Variants in DPF3 observed in about 807,000 individuals in gnomAD.
The protein encoded by DPF3 is zinc finger protein DPF3.
DPF3 carries 18 observed loss-of-function variants against 56.8 expected under a neutral mutation model. The ratio of observed to expected loss-of-function variants is 0.32; its 90% CI spans 0.22 to 0.47. DPF3 has a LOEUF of 0.47. Ranked by LOEUF, DPF3 falls within the 20% of genes least tolerant of loss-of-function variation. DPF3 has a pLI of 1.00. For synonymous variants in DPF3, 188 were observed against 180.2 expected, an observed-to-expected ratio of 1.04 and a Z score of -0.35; for missense variants, 403 against 488.8, an observed-to-expected ratio of 0.82 and a Z score of 1.65.
At chr14:72,769,447 C>T (rs150050323) in intron 2 of DPF3, among the ~76,000 whole-genome samples, 8 of 152,166 alleles carry the variant, frequency 5.3e-5, no homozygotes, top group African/African-American at 1.4e-4. Flanking sequence ...TTTGGGAGGC[C>T]GAGGCAGGCG....
At chr14:72,815,753 G>A (rs746360327) in intron 1 of DPF3, among the ~76,000 whole-genome samples, 30 of 152,202 alleles carry the variant, frequency 2.0e-4, no homozygotes, top group Admixed American at 1.3e-3. Flanking sequence ...CTGTCTTACA[G>A]TTCTGGAGGT....
intron 1 of DPF3, among the ~76,000 whole-genome samples, chr14:72,788,226 G>C (rs1250893625): frequency 6.6e-6 from 1 of 152,154 alleles, no homozygotes. Flanking sequence ...GCTGCATCTC[G>C]ACCACCAATC....
At chr14:72,818,413 C>T (rs896764010) in intron 1 of DPF3, among the ~76,000 whole-genome samples, 1 of 152,148 alleles carries the variant, frequency 6.6e-6, no homozygotes, top group African/African-American at 2.4e-5. Flanking sequence ...GGTGTGGTGG[C>T]TCATACCTGT....
chr14:72,655,960 A>C (rs900965271), intron 8 of DPF3, among the ~76,000 whole-genome samples: 2 of 152,310 alleles, frequency 1.3e-5, no homozygotes, highest in Admixed American at 1.3e-4. Flanking sequence ...CAGCCTCGAC[A>C]GTCTAAAATG....
chr14:72,690,547 C>T (rs1327462566), intron 7 of DPF3, among the ~76,000 whole-genome samples: 3 of 151,022 alleles, frequency 2.0e-5, no homozygotes, highest in African/African-American at 4.9e-5. Context: ...AAACAACACG[C>T]ACACACATGC....
At chr14:72,853,049 A>G (rs4899447) in intron 1 of DPF3, among the ~76,000 whole-genome samples, 85,754 of 148,464 alleles carry the variant, frequency 0.58, 25,702 homozygotes, top group East Asian at 0.89. Context: ...GTGTGTGTGT[A>G]TGTGTGTGTG....
rs752878041 is a variant in DPF3, at chr14:72,731,930, C to T, written c.306G>A (p.Val102=). The T allele has an allele frequency of 6.3e-7, 1 of 1,581,454 alleles. No individual in the cohort carries two copies. The highest frequency in any genetic ancestry group is 1.7e-4 in the Middle Eastern group (1 of 6,020). The change falls in exon 4 of 11, where the codon GTG becomes GTA. Residue 102 remains valine, a synonymous_variant. Coordinates refer to ENST00000556509, the MANE Select transcript of DPF3 (RefSeq NM_001280542.3). The stretch of plus-strand genomic sequence containing the variant: ...ACCCATCCTTCTTCAGGGGAAGCTC[C>T]ACTTCTGAAAAACAAAGATAGAAAG... ...KLRLLEIKPE[V]ELPLKKDGFT... is the part of the protein sequence containing the mutation.
Position 72,775,476 on chromosome 14 carries a change from G to A in DPF3, c.33-3583C>T, listed in dbSNP as rs574142372. 8.4e-4 allele frequency among the ~76,000 whole-genome samples: 128 copies of A among 152,310 alleles called. 3 individuals carry two copies. In the South Asian group the frequency reaches 0.021, roughly 25 times the overall value. ...ACTGGTGCTCCACACCAACTGGATC[G>A]AGAATGTCAAACAAAGTGGCACACT... On this transcript the variant is annotated intron_variant, in intron 1 of 10. Transcript: ENST00000556509.
At chr14:72,742,090 C>T (rs1363253036) in intron 3 of DPF3, among the ~76,000 whole-genome samples, 4 of 152,222 alleles carry the variant, frequency 2.6e-5, no homozygotes, top group African/African-American at 9.6e-5. Context: ...AGGTCCCTTC[C>T]AGCACGTAAT....
At chr14:72,725,961 T>C (rs910278659) in intron 4 of DPF3, among the ~76,000 whole-genome samples, 4 of 152,218 alleles carry the variant, frequency 2.6e-5, no homozygotes, top group Non-Finnish European at 5.9e-5. Context: ...AAAGGGTCTC[T>C]GAGCCAGCCT....
At chr14:72,635,372 G>A (rs1294984411) in intron 8 of DPF3, among the ~76,000 whole-genome samples, 3 of 152,208 alleles carry the variant, frequency 2.0e-5, no homozygotes, top group Non-Finnish European at 4.4e-5. Flanking sequence ...CCTTGGCACT[G>A]GAAGGACACA....
chr14:72,647,841 G>C (rs1567188605), intron 8 of DPF3, among the ~76,000 whole-genome samples: 1 of 152,170 alleles, frequency 6.6e-6, no homozygotes, highest in African/African-American at 2.4e-5. Context: ...TAGCAAGATT[G>C]GTCCTAATTT....
chr14:72,863,118 A>ATGTG (rs59855191), intron 1 of DPF3, among the ~76,000 whole-genome samples: 14 of 116,240 alleles, frequency 1.2e-4, no homozygotes, highest in South Asian at 3.1e-4. Context: ...GTATACATAT[A>ATGTG]TGTGTGTGTG....
intron 1 of DPF3, among the ~76,000 whole-genome samples, chr14:72,824,551 C>CTTTTTTTTTTTTTTTTTTTT (rs375498304): frequency 4.9e-5 from 7 of 143,254 alleles, no homozygotes; most frequent in African/African-American, 7.7e-5. Context: ...TTTTCTTTTT[C>CTTTTTTTTTTTTTTTTTTTT]TTTTTTTTTT....
intron 3 of DPF3, 23 bp from the exon 4 acceptor site, chr14:72,731,957 C>G: frequency 1.3e-6 from 2 of 1,561,492 alleles, no homozygotes; most frequent in Non-Finnish European, 1.7e-6. Flanking sequence ...GATAGAAAGG[C>G]AGGTCAGGCC....
intron 5 of DPF3, among the ~76,000 whole-genome samples, chr14:72,721,347 G>A (rs1204761496): frequency 6.6e-6 from 1 of 152,186 alleles, no homozygotes; most frequent in Non-Finnish European, 1.5e-5. Context: ...GTGTGAAGAG[G>A]ACCATTTCCC....
chr14:72,815,329 C>T (rs1408204698), intron 1 of DPF3, among the ~76,000 whole-genome samples: 1 of 152,200 alleles, frequency 6.6e-6, no homozygotes, highest in Non-Finnish European at 1.5e-5. Context: ...AAAAGGCTGA[C>T]AATGCCAAGC....
In DPF3 at chr14:72,714,492, A is replaced by G; in HGVS notation, c.535T>C (p.Ser179Pro). ...TCGTGCCTCCTCCTGCCCCCTGCAG[A>G]GCCGCGAGCCTGGGGAGACATTGGG... ...KNRTRGRARGSAGGRRRHDAA... is the reference protein window; with the variant it reads ...KNRTRGRARGPAGGRRRHDAA... Residue 179 changes from serine to proline, a missense_variant, in exon 6 of 11, where the codon TCT becomes CCT. Coordinates refer to ENST00000556509, the MANE Select transcript of DPF3 (RefSeq NM_001280542.3). 1 of 1,613,726 alleles carries G rather than the reference A, an allele frequency of 6.2e-7. No individual in the cohort carries two copies. The highest frequency in any genetic ancestry group is 8.5e-7 in the Non-Finnish European group (1 of 1,179,746).
chr14:72,827,233 C>A (rs567161531), intron 1 of DPF3, among the ~76,000 whole-genome samples: 1 of 152,160 alleles, frequency 6.6e-6, no homozygotes, highest in Admixed American at 6.5e-5. Flanking sequence ...GTGGAACACA[C>A]AAGAGAAAGA....
Sources: allele counts gnomAD v4.1 joint callset (sites outside exome capture counted in the v4.1 genomes callset), GRCh38; gene constraint gnomAD v4.1.1; transcripts MANE v1.5; gene names NCBI Gene and HGNC (gene_info 2026-07-23, HGNC 2026-07-21).